DBX2: variants seen among roughly 807,000 people sequenced by gnomAD.
The protein encoded by DBX2 is homeobox protein DBX2.
DBX2 carries 16 observed loss-of-function variants against 17.7 expected under a neutral mutation model. The observed-to-expected ratio is 0.90, with a 90% CI of 0.61 to 1.37. The LOEUF is 1.37. DBX2 is among the 40% of genes most tolerant of loss of function. The pLI, the probability that DBX2 is intolerant of heterozygous loss-of-function variation, is 0.00. For synonymous variants in DBX2, 255 were observed against 183.8 expected (o/e 1.39, Z -3.13); for missense variants, 538 against 433.8 (o/e 1.24, Z -2.13).
Position 45,050,942 on chromosome 12 carries a change from C to A in DBX2, c.-15G>T. The A allele has an allele frequency of 7.0e-7, 1 of 1,418,852 alleles. No individual in the cohort carries two copies. Among genetic ancestry groups the A allele is most frequent in the African/African-American group, 1.5e-5 (1 of 66,906 alleles). The allele number at this position is 1,418,852 out of a possible 1,614,324, so 87.9% of individuals were successfully genotyped here. ...CTGGGGAGCATAGTGCGGCGCCAAC[C>A]GGTCTGCTGCGCGCCCGCCTTGCGC... is the stretch of plus-strand genomic sequence containing the variant. On this transcript the variant is annotated 5_prime_UTR_variant, in exon 1 of 4. Coordinates refer to ENST00000332700, the MANE Select transcript of DBX2 (RefSeq NM_001004329.3).
chr12:45,015,166 T>C lies in DBX2; in HGVS notation c.*1120A>G, dbSNP rs986469999. ...TACCAGAAATGCAATTTTAGAAAGA[T>C]ACAATTTCAGGGTAGTCAAAAAACA... On this transcript the variant is annotated 3_prime_UTR_variant, in exon 4 of 4. Coordinates refer to ENST00000332700, the MANE Select transcript of DBX2 (RefSeq NM_001004329.3). The C allele has an allele frequency of 4.6e-5, 7 of 152,226 alleles. No individual in the cohort carries two copies. Among genetic ancestry groups the C allele is most frequent in the African/African-American group, 1.7e-4 (7 of 41,462 alleles). 9.4% of individuals were successfully genotyped at this position (152,226 alleles called of 1,614,324 possible).
chr12:45,018,189 A>G (rs1459736333), intron 3 of DBX2, among the ~76,000 whole-genome samples: 1 of 152,204 alleles, frequency 6.6e-6, no homozygotes, highest in African/African-American at 2.4e-5. Flanking sequence ...ATTTACTCCT[A>G]GAAAGCATGC....
rs894826191 is a variant in DBX2 at position 45,041,223 on chromosome 12, AAAT to A, written c.404-5112_404-5110del. On this transcript the variant is annotated intron_variant, in intron 1 of 3. Transcript: ENST00000332700. ...AATTAAAATTAATAAATTATAAATAAAATAATAATAAAGAATGACAGGGAAGTA... is the reference window on the plus strand; with the variant it reads ...AATTAAAATTAATAAATTATAAATAAAATAATAAAGAATGACAGGGAAGTA... Among the ~76,000 whole-genome samples the A allele has an allele frequency of 3.3e-5, 5 of 149,664 alleles. No individual in the cohort carries two copies. In the South Asian group the frequency reaches 6.2e-4, roughly 19 times the overall value.
At chr12:45,020,345 C>T (rs1046842271) in intron 3 of DBX2, among the ~76,000 whole-genome samples, 2 of 152,110 alleles carry the variant, frequency 1.3e-5, no homozygotes, top group African/African-American at 4.8e-5. Flanking sequence ...CAAGGTTCAT[C>T]CATATTGTAG....
At position 45,050,744 on chromosome 12, in the gene DBX2, G is replaced by C. The variant is rs767425325; in HGVS notation, c.184C>G (p.Pro62Ala). Residue 62 changes from proline to alanine, a missense_variant, in exon 1 of 4, where the codon CCG becomes GCG. Physicochemically the swap from Pro to Ala is conservative, Grantham distance 27. Coordinates refer to ENST00000332700, the MANE Select transcript of DBX2 (RefSeq NM_001004329.3). The part of the protein sequence containing the change: ...PRLQPPAPHD[P>A]ATALATAGAQ... ...CCCGCGGTGGCCAGGGCGGTCGCCG[G>C]GTCGTGGGGCGCGGGCGGCTGCAGC... 41 of 1,496,924 alleles carry C rather than the reference G, an allele frequency of 2.7e-5. No homozygotes were observed. In the African/African-American group the frequency reaches 4.1e-4, roughly 15 times the overall value. 92.7% of individuals were successfully genotyped at this position (1,496,924 alleles called of 1,614,324 possible).
At chr12:45,023,586 T>C (rs1946364610) in intron 3 of DBX2, 121 bp downstream of exon 3, 1 of 1,143,758 alleles carries the variant, frequency 8.7e-7, no homozygotes. Context: ...ATAAATGGAT[T>C]CCATTGTGTG....
chr12:45,031,391 C>T (rs1045646724), intron 2 of DBX2, among the ~76,000 whole-genome samples: 10 of 151,984 alleles, frequency 6.6e-5, no homozygotes, highest in South Asian at 4.2e-4. Context: ...TAATACTTAT[C>T]GAACAGCTTG....
At chr12:45,049,731 G>A (rs1359152756) in intron 1 of DBX2, among the ~76,000 whole-genome samples, 8 of 150,888 alleles carry the variant, frequency 5.3e-5, no homozygotes, top group Non-Finnish European at 1.2e-4. Flanking sequence ...TTTTATCACT[G>A]ACAATTTCAG....
At chr12:45,019,544 G>C (rs1592750092) in intron 3 of DBX2, among the ~76,000 whole-genome samples, 1 of 151,976 alleles carries the variant, frequency 6.6e-6, no homozygotes, top group East Asian at 1.9e-4. Context: ...TATTGTATTT[G>C]GAAAGGAATT....
intron 2 of DBX2, among the ~76,000 whole-genome samples, chr12:45,030,054 G>C (rs1741783286): frequency 6.6e-6 from 1 of 151,976 alleles, no homozygotes; most frequent in Non-Finnish European, 1.5e-5. Flanking sequence ...CCAGTGAAGG[G>C]CGCTACAAAT....
intron 1 of DBX2, among the ~76,000 whole-genome samples, chr12:45,044,817 A>T (rs1946491141): frequency 6.6e-6 from 1 of 152,184 alleles, no homozygotes; most frequent in African/African-American, 2.4e-5. Flanking sequence ...GACAAAATGA[A>T]TAATCCTATT....
At position 45,028,064 on chromosome 12, in the gene DBX2, G is replaced by A. The variant is rs190135146; in HGVS notation, c.500-4170C>T. Among the ~76,000 whole-genome samples the A allele has an allele frequency of 5.5e-3, 845 of 152,270 alleles. 3 individuals are homozygous for A. Among genetic ancestry groups the A allele is most frequent in the Non-Finnish European group, 8.0e-3 (543 of 68,008 alleles). On this transcript the variant is annotated intron_variant, in intron 2 of 3. Transcript: ENST00000332700. Reference sequence around the variant, plus strand: ...ACAGCAATTCCTCTTGCTGGCAATCGAGGGAAAGGCAGGTAGAGTCGAGGG... The same window carrying A: ...ACAGCAATTCCTCTTGCTGGCAATCAAGGGAAAGGCAGGTAGAGTCGAGGG...
At chr12:45,020,925 G>C (rs1229705974) in intron 3 of DBX2, among the ~76,000 whole-genome samples, 2 of 152,040 alleles carry the variant, frequency 1.3e-5, no homozygotes, top group African/African-American at 2.4e-5. Context: ...GTAAATGACA[G>C]AAGTAACCAA....
intron 3 of DBX2, among the ~76,000 whole-genome samples, chr12:45,023,153 T>C (rs769900545): frequency 2.0e-5 from 3 of 152,168 alleles, no homozygotes; most frequent in Non-Finnish European, 4.4e-5. Context: ...GAAACCTCAA[T>C]GAACAAGAAA....
chr12:45,033,529 T>G (rs962300876), intron 2 of DBX2, among the ~76,000 whole-genome samples: 11 of 152,172 alleles, frequency 7.2e-5, no homozygotes, highest in African/African-American at 2.4e-4. Context: ...ATGTAAACCT[T>G]ATTAACTGTA....
At chr12:45,023,995 A>C in intron 2 of DBX2, 101 bp from the exon 3 acceptor site, 1 of 1,165,892 alleles carries the variant, frequency 8.6e-7, no homozygotes, top group Non-Finnish European at 1.2e-6. Context: ...ACTATGGCCA[A>C]ATGACCTCAT....
chr12:45,020,976 A>G (rs932503380), intron 3 of DBX2, among the ~76,000 whole-genome samples: 6 of 152,110 alleles, frequency 3.9e-5, no homozygotes, highest in Non-Finnish European at 8.8e-5. Flanking sequence ...TTTCACTTTT[A>G]TCTTTACAGG....
intron 2 of DBX2, among the ~76,000 whole-genome samples, chr12:45,033,079 T>C (rs928999396): frequency 3.3e-5 from 5 of 152,204 alleles, no homozygotes; most frequent in Non-Finnish European, 7.3e-5. Context: ...TATTAAACTA[T>C]TTACTATATG....
intron 2 of DBX2, among the ~76,000 whole-genome samples, chr12:45,035,001 A>G (rs1224846789): frequency 6.6e-6 from 1 of 152,250 alleles, no homozygotes; most frequent in African/African-American, 2.4e-5. Context: ...CCAGCCATGT[A>G]AAGTGCTCTG....
Sources: allele counts gnomAD v4.1 joint callset (sites outside exome capture counted in the v4.1 genomes callset), GRCh38; gene constraint gnomAD v4.1.1; transcripts MANE v1.5; gene names NCBI Gene and HGNC (gene_info 2026-07-23, HGNC 2026-07-21).